MGAM: variants seen among roughly 807,000 people sequenced by gnomAD.
The protein encoded by MGAM is maltase-glucoamylase.
MGAM carries 253 observed loss-of-function variants against 358.8 expected under a neutral mutation model. The ratio of observed to expected loss-of-function variants is 0.71; its 90% CI spans 0.64 to 0.78. The LOEUF is 0.78. Ranked by LOEUF, MGAM falls within the 30% of genes least tolerant of loss-of-function variation. The pLI, the probability that MGAM is intolerant of heterozygous loss-of-function variation, is 0.00. For missense variants in MGAM, 3,080 were observed against 3,432.6 expected (o/e 0.90, Z 2.57); for synonymous variants, 1,105 against 1,227.1 (o/e 0.90, Z 2.08).
chr7:142,056,243 C>T, intron 29 of MGAM, 147 bp downstream of exon 29: 1 of 763,380 alleles, frequency 1.3e-6, no homozygotes, highest in Non-Finnish European at 2.1e-6. Context: ...TTTAGCCTTT[C>T]TGTTTATTTC....
rs536628282 is a variant in MGAM at position 142,058,821 on chromosome 7, A to G, written c.3819+493A>G. Among the ~76,000 whole-genome samples, 6 of 152,390 alleles carry G rather than the reference A, an allele frequency of 3.9e-5. No homozygotes were observed. The South Asian group carries it at 1.2e-3, about 32-fold the overall frequency. The stretch of plus-strand genomic sequence containing the variant: ...GTTTCCAGAGGACATACATATGGAA[A>G]GAAACCTTATCCTTCAGTGGAGGAT... On this transcript the variant is annotated intron_variant, in intron 31 of 70. Coordinates refer to ENST00000475668, the MANE Select transcript of MGAM (RefSeq NM_001365693.1).
At chr7:142,099,215 A>G (rs1020118096) in intron 66 of MGAM, among the ~76,000 whole-genome samples, 29 of 152,210 alleles carry the variant, frequency 1.9e-4, no homozygotes, top group African/African-American at 6.8e-4. Flanking sequence ...AAATATCAAA[A>G]GGCACAGGAT....
Position 142,074,075 on chromosome 7 carries a change from T to G in MGAM, c.5187-10T>G. 3 of 1,512,712 alleles carry G rather than the reference T, an allele frequency of 2.0e-6. 1 individual carries two copies. The Admixed American group carries it at 5.2e-5, about 26-fold the overall frequency. The allele number at this position is 1,512,712 out of a possible 1,614,324, so 93.7% of individuals were successfully genotyped here. On this transcript the variant is annotated splice_polypyrimidine_tract_variant and intron_variant, in intron 44 of 70. Transcript: ENST00000475668. ...TCCTGTCTTTGTCTCTTGAATCTTG[T>G]TCCCCACAGTCGAAAGAACCCTCTT...
chr7:142,079,922 G>A (rs149212945), intron 49 of MGAM, among the ~76,000 whole-genome samples: 1 of 146,624 alleles, frequency 6.8e-6, no homozygotes, highest in African/African-American at 2.4e-5. Flanking sequence ...TGGGTTTGAA[G>A]TGAATGAACT....
In MGAM at chr7:142,084,949, G is replaced by T. The variant is rs1280519058; in HGVS notation, c.6507+305G>T. 1.2e-4 allele frequency among the ~76,000 whole-genome samples: 18 copies of T among 146,258 alleles called. 5 individuals carry two copies. On this transcript the variant is annotated intron_variant, in intron 54 of 70. Transcript: ENST00000475668. ...TGACTTCAAAACATGTAGTCAAAATGTCCTTGGTTCCATAAGAATAAATAA... is the reference window on the plus strand; with the variant it reads ...TGACTTCAAAACATGTAGTCAAAATTTCCTTGGTTCCATAAGAATAAATAA...
chr7:142,100,803 C>A lies in MGAM; in HGVS notation c.7876C>A (p.Arg2626Ser). 1 of 1,610,032 alleles carries A rather than the reference C, an allele frequency of 6.2e-7. No individual in the cohort carries two copies. Among genetic ancestry groups the A allele is most frequent in the East Asian group, 2.2e-5 (1 of 44,802 alleles). Residue 2626 changes from arginine to serine, a missense_variant and splice_region_variant, in exon 68 of 71, where the codon CGC (arginine) becomes AGC (serine). Coordinates refer to ENST00000475668, the MANE Select transcript of MGAM (RefSeq NM_001365693.1). ...QEPALNTHLSRQKFMGFKIAL... is the reference protein window; with the variant it reads ...QEPALNTHLSSQKFMGFKIAL... ...TGCCTCTCTGCCTGCTCACTGCAGC[C>A]GCCAGAAATTCATGGGCTTCAAAAT...
At chr7:142,047,176 C>G (rs969239119) in intron 21 of MGAM, among the ~76,000 whole-genome samples, 7 of 152,034 alleles carry the variant, frequency 4.6e-5, no homozygotes, top group Non-Finnish European at 8.8e-5. Flanking sequence ...TCTCTTCTCC[C>G]CCTCTTCCTC....
chr7:142,084,477 T>C lies in MGAM; in HGVS notation c.6382-42T>C, dbSNP rs1324542280. ...TACTTGATGTAAAACTTCAATCTGG[T>C]GTCTCTGTTCTGAGGACTAATATTT... On this transcript the variant is annotated intron_variant, in intron 53 of 70. Transcript: ENST00000475668. The C allele has an allele frequency of 2.0e-6, 3 of 1,534,064 alleles. 1 individual carries two copies. The highest frequency in any genetic ancestry group is 2.7e-6 in the Non-Finnish European group (3 of 1,116,538).
At chr7:142,083,637 A>C (rs1315415356) in intron 53 of MGAM, among the ~76,000 whole-genome samples, 1 of 146,382 alleles carries the variant, frequency 6.8e-6, no homozygotes, top group African/African-American at 2.4e-5. Context: ...AGTGGTGGTG[A>C]TGGTAGTGAT....
In MGAM at chr7:142,084,577, A is replaced by G. The variant is rs759535042; in HGVS notation, c.6440A>G (p.Tyr2147Cys). Reference sequence around the variant, plus strand: ...TCTTTGGGGTTCCAGCTGTGTCGCTATGGCTACCAGAACGACTCTGAGATC... The same window carrying G: ...TCTTTGGGGTTCCAGCTGTGTCGCTGTGGCTACCAGAACGACTCTGAGATC... ...YWSLGFQLCR[Y>C]GYQNDSEISS... Residue 2147 changes from tyrosine (Y) to cysteine (C), a missense_variant, in exon 54 of 71, where the codon TAT becomes TGT. Tyr to Cys is a radical substitution (Grantham distance 194, BLOSUM62 -2). This residue lies in a region of MGAM where 932 missense variants were observed against 1,198.2 expected (regional missense o/e 0.78). Coordinates refer to ENST00000475668, the MANE Select transcript of MGAM (RefSeq NM_001365693.1). 3 of 1,551,556 alleles carry G rather than the reference A, an allele frequency of 1.9e-6. No homozygotes were observed. Among genetic ancestry groups the G allele is most frequent in the Middle Eastern group, 1.7e-4 (1 of 5,936 alleles).
At chr7:142,044,756 A>T (rs1377903165) in intron 21 of MGAM, among the ~76,000 whole-genome samples, 2 of 92,798 alleles carry the variant, frequency 2.2e-5, no homozygotes, top group African/African-American at 8.9e-5. Context: ...GTAATATATG[A>T]TATATAATGT....
chr7:142,040,850 T>C lies in MGAM; in HGVS notation c.2498+4T>C, dbSNP rs761021065. On this transcript the variant is annotated splice_donor_region_variant and intron_variant, in intron 21 of 70. Coordinates refer to ENST00000475668, the MANE Select transcript of MGAM (RefSeq NM_001365693.1). ...CAAATACAACCACTCTGGCCAGGTA[T>C]AGCATGGCTGGAGTGTCCTTTCAGA... is the stretch of plus-strand genomic sequence containing the variant. The C allele has an allele frequency of 6.2e-7, 1 of 1,604,886 alleles. No homozygotes were observed. The highest frequency in any genetic ancestry group is 2.3e-5 in the East Asian group (1 of 44,296).
rs567436799 is a variant in MGAM at position 142,012,002 on chromosome 7, G to A, written c.327+3297G>A. ...GAGTCGAGACTAATTTTATTCATTC[G>A]TTAGTTCAAACTTGCTGCACATAAA... On this transcript the variant is annotated intron_variant, in intron 3 of 70. Transcript: ENST00000475668. 4.9e-4 allele frequency among the ~76,000 whole-genome samples: 75 copies of A among 152,206 alleles called. 1 individual carries two copies. Among genetic ancestry groups the A allele is most frequent in the African/African-American group, 1.8e-3 (73 of 41,536 alleles).
intron 60 of MGAM, among the ~76,000 whole-genome samples, chr7:142,093,814 T>C (rs540357075): frequency 1.4e-5 from 2 of 146,174 alleles, no homozygotes; most frequent in South Asian, 2.2e-4. Flanking sequence ...CATGGAGACA[T>C]CATAATGATC....
At position 142,086,341 on chromosome 7, in the gene MGAM, G is replaced by A; in HGVS notation, c.6747+13G>A. On this transcript the variant is annotated intron_variant, in intron 56 of 70. Transcript: ENST00000475668. ...TGTCTGGGGAAAGGTATAATCCTAA[G>A]CGATGATCCAGTAGTCCCTAGCCTG... 1 of 1,504,874 alleles carries A rather than the reference G, an allele frequency of 6.6e-7. No homozygotes were observed. The highest frequency in any genetic ancestry group is 1.4e-5 in the African/African-American group (1 of 73,948). 93.2% of individuals were successfully genotyped at this position (1,504,874 alleles called of 1,614,324 possible). A position where few individuals can be genotyped will look rare whatever the true frequency, so the allele number is the denominator to read the frequency against.
chr7:142,027,687 C>T lies in MGAM; in HGVS notation c.1173C>T (p.Asp391=), dbSNP rs766107711. 6.2e-7 allele frequency: 1 copy of T among 1,613,532 alleles called. No homozygotes were observed. The highest frequency in any genetic ancestry group is 8.5e-7 in the Non-Finnish European group (1 of 1,179,634). Residue 391 remains aspartate (D), a synonymous_variant, in exon 10 of 71, where the codon GAC becomes GAT. Transcript: ENST00000475668. ...HLSRYEYGTL[D]NMREVVERNR... is the part of the protein sequence containing the mutation. ...GTCGTTACGAATATGGAACCTTAGACAACATGAGGGAAGTCGTGGAGAGAA... is the reference window on the plus strand; with the variant it reads ...GTCGTTACGAATATGGAACCTTAGATAACATGAGGGAAGTCGTGGAGAGAA...
chr7:142,025,594 G>C (rs142866649), intron 8 of MGAM, among the ~76,000 whole-genome samples: 96 of 152,280 alleles, frequency 6.3e-4, no homozygotes, highest in African/African-American at 2.3e-3. Flanking sequence ...TTAATTGAGA[G>C]TCATCGATTC....
At position 142,052,419 on chromosome 7, in the gene MGAM, CT is replaced by C. The variant is rs1001916370; in HGVS notation, c.2932del (p.Cys978AlafsTer44). 13 of 1,613,334 alleles carry C rather than the reference CT, an allele frequency of 8.1e-6. No individual in the cohort carries two copies. Among genetic ancestry groups the C allele is most frequent in the Non-Finnish European group, 1.1e-5 (13 of 1,179,702 alleles). ...ATGAGAATGGTGCTTCTGCCGAAAA[CT>C]GCACTGCCCGTGGCTGTATCTGGGA... ...PDENGASAEN[C>X]TARGCIWEAS... On this transcript the variant is annotated frameshift_variant, in exon 25 of 71. Coordinates refer to ENST00000475668, the MANE Select transcript of MGAM (RefSeq NM_001365693.1). LOFTEE classifies it high-confidence loss of function.
chr7:141,998,006 C>T (rs1010695454), intron 1 of MGAM, among the ~76,000 whole-genome samples: 1 of 152,136 alleles, frequency 6.6e-6, no homozygotes, highest in Non-Finnish European at 1.5e-5. Flanking sequence ...ATGGCTTAGA[C>T]CTCCATATAC....
Sources: gnomAD v4.1 joint callset for allele counts (sites outside exome capture counted in the v4.1 genomes callset) on GRCh38, gnomAD v4.1.1 for gene constraint, gnomAD v4.1.1 regional missense constraint, MANE v1.5 for transcripts, NCBI Gene and HGNC (gene_info 2026-07-23, HGNC 2026-07-21) for gene names.